The following ADAM32 variants were observed in gnomAD, a reference collection of about 807,000 sequenced individuals.
ADAM32 encodes the protein ADAM metallopeptidase domain 32.
Under a neutral mutation model 114.9 loss-of-function variants are expected in ADAM32, and 89 were observed. That is an observed-to-expected ratio of 0.77 (90% confidence interval 0.65 to 0.92). The LOEUF is 0.92. ADAM32 is among the 40% of genes least tolerant of loss of function. ADAM32 has a pLI of 0.00. For missense variants in ADAM32, 870 were observed against 932.8 expected (o/e 0.93, Z 0.88); for synonymous variants, 285 against 307.5 (o/e 0.93, Z 0.77).
chr8:39,121,819 G>A (rs79462315), intron 2 of ADAM32, among the ~76,000 whole-genome samples: 1,793 of 152,230 alleles, frequency 0.012, 36 homozygotes, highest in African/African-American at 0.04. Flanking sequence ...AGAGCTGAGG[G>A]GATGGGGCCA....
chr8:39,126,589 G>C (rs1299782831), intron 2 of ADAM32, among the ~76,000 whole-genome samples: 1 of 152,084 alleles, frequency 6.6e-6, no homozygotes, highest in Non-Finnish European at 1.5e-5. Flanking sequence ...GAGAGGATGG[G>C]GTTTTCTAGA....
chr8:39,156,395 T>C (rs1317283711), intron 6 of ADAM32, among the ~76,000 whole-genome samples: 3 of 152,236 alleles, frequency 2.0e-5, no homozygotes, highest in Non-Finnish European at 1.5e-5. Context: ...TCCTCCCATT[T>C]TGGCCTTCCA....
At chr8:39,211,429 T>C (rs1808211922) in intron 12 of ADAM32, 105 bp downstream of exon 12, 1 of 1,139,768 alleles carries the variant, frequency 8.8e-7, no homozygotes, top group South Asian at 2.8e-5. Context: ...ATGCAGAATG[T>C]TGACAGTAAG....
chr8:39,172,999 C>T (rs1805292187), intron 10 of ADAM32, among the ~76,000 whole-genome samples: 3 of 152,214 alleles, frequency 2.0e-5, no homozygotes, highest in Admixed American at 2.0e-4. Flanking sequence ...GTGGCTCACG[C>T]CTATAATCCC....
At chr8:39,214,172 T>C (rs558836004) in intron 12 of ADAM32, among the ~76,000 whole-genome samples, 1 of 152,280 alleles carries the variant, frequency 6.6e-6, no homozygotes, top group Non-Finnish European at 1.5e-5. Flanking sequence ...CTCTTCGACG[T>C]AATGATTTCC....
At chr8:39,157,789 C>T in intron 6 of ADAM32, 7 of 1,307,498 alleles carry the variant, frequency 5.4e-6, no homozygotes, top group South Asian at 2.4e-5. Context: ...GACAAAGCCA[C>T]CCAGAGGGTT....
chr8:39,142,759 G>A (rs1020207079), intron 3 of ADAM32, among the ~76,000 whole-genome samples: 25 of 152,266 alleles, frequency 1.6e-4, no homozygotes, highest in African/African-American at 5.5e-4. Flanking sequence ...TGCCTTGCTA[G>A]GTTAGGGAAG....
chr8:39,184,940 C>G (rs1294893183), intron 10 of ADAM32, among the ~76,000 whole-genome samples: 1 of 152,158 alleles, frequency 6.6e-6, no homozygotes, highest in African/African-American at 2.4e-5. Context: ...TTAAGCTGTG[C>G]CGCATGGCCT....
At chr8:39,205,675 C>T (rs970771932) in intron 11 of ADAM32, among the ~76,000 whole-genome samples, 2 of 152,242 alleles carry the variant, frequency 1.3e-5, no homozygotes, top group African/African-American at 4.8e-5. Flanking sequence ...CCTGGAACCT[C>T]AGTTTGAAAT....
At chr8:39,259,040 A>G (rs1304951908) in intron 19 of ADAM32, among the ~76,000 whole-genome samples, 2 of 152,126 alleles carry the variant, frequency 1.3e-5, no homozygotes, top group African/African-American at 4.8e-5. Context: ...GTGTCTTATA[A>G]ACAGCCTTTA....
At chr8:39,185,346 A>AAAAAAAAC (rs71218315) in intron 10 of ADAM32, among the ~76,000 whole-genome samples, 74,002 of 146,328 alleles carry the variant, frequency 0.51, 19,173 homozygotes, top group South Asian at 0.68. Flanking sequence ...AGTCTACAAA[A>AAAAAAAAC]AAAAAACAAA....
At chr8:39,155,689 CA>C (rs1296092265) in intron 6 of ADAM32, among the ~76,000 whole-genome samples, 1 of 152,110 alleles carries the variant, frequency 6.6e-6, no homozygotes, top group Non-Finnish European at 1.5e-5. Context: ...CTCCTGGGCT[CA>C]ATAAAGACTT....
chr8:39,234,671 A>G (rs1021125069), intron 16 of ADAM32, among the ~76,000 whole-genome samples: 5 of 152,232 alleles, frequency 3.3e-5, no homozygotes, highest in Admixed American at 1.3e-4. Flanking sequence ...TTTGGCTATT[A>G]TTGCCGATTG....
At chr8:39,225,216 C>T (rs1450906809) in intron 14 of ADAM32, among the ~76,000 whole-genome samples, 1 of 152,158 alleles carries the variant, frequency 6.6e-6, no homozygotes, top group African/African-American at 2.4e-5. Flanking sequence ...TGCACTCATA[C>T]GTCAGTCTCA....
At chr8:39,163,189 T>C (rs1804617629) in intron 7 of ADAM32, among the ~76,000 whole-genome samples, 1 of 152,216 alleles carries the variant, frequency 6.6e-6, no homozygotes, top group Non-Finnish European at 1.5e-5. Flanking sequence ...TGTTATACTA[T>C]AAGAGCATCC....
chr8:39,252,958 C>A (rs1401227751), intron 17 of ADAM32, among the ~76,000 whole-genome samples: 1 of 151,550 alleles, frequency 6.6e-6, no homozygotes, highest in African/African-American at 2.4e-5. Flanking sequence ...GGGGGCTTCA[C>A]AAATGAATTC....
At chr8:39,229,629 C>T (rs1809604833) in intron 14 of ADAM32, among the ~76,000 whole-genome samples, 1 of 152,098 alleles carries the variant, frequency 6.6e-6, no homozygotes, top group Non-Finnish European at 1.5e-5. Flanking sequence ...GGTAAAAGGC[C>T]TTGTCCAAGA....
intron 1 of ADAM32, among the ~76,000 whole-genome samples, chr8:39,108,370 A>C (rs528498472): frequency 4.5e-4 from 68 of 152,290 alleles, no homozygotes; most frequent in African/African-American, 1.6e-3. Context: ...TAGGCAACAG[A>C]GGGAGACTCC....
chr8:39,260,259 A>G (rs1434340266), intron 19 of ADAM32, among the ~76,000 whole-genome samples: 1 of 152,158 alleles, frequency 6.6e-6, no homozygotes, highest in African/African-American at 2.4e-5. Context: ...GTATAAGGTC[A>G]TGTCATCTGA....
Sources: allele counts gnomAD v4.1 joint callset (sites outside exome capture counted in the v4.1 genomes callset), GRCh38; gene constraint gnomAD v4.1.1; transcripts MANE v1.5; gene names NCBI Gene and HGNC (gene_info 2026-07-23, HGNC 2026-07-21).